The following SNX24 variants were observed in gnomAD, a reference collection of about 807,000 sequenced individuals.
The protein encoded by SNX24 is sorting nexin 24.
A neutral mutation model predicts 28.7 loss-of-function variants in SNX24; 22 were observed. The ratio of observed to expected loss-of-function variants is 0.77; its 90% CI spans 0.55 to 1.10. The LOEUF is 1.10. Among genes scored for constraint, SNX24 ranks in the 50% least tolerant of loss-of-function variants. SNX24 has a pLI of 0.00. For synonymous variants in SNX24, 69 were observed against 71.5 expected (o/e 0.96, Z 0.18); for missense variants, 221 against 201.1 (o/e 1.10, Z -0.60).
intron 3 of SNX24, among the ~76,000 whole-genome samples, chr5:122,995,213 C>G (rs562349158): frequency 6.6e-6 from 1 of 152,168 alleles, no homozygotes; most frequent in Non-Finnish European, 1.5e-5. Flanking sequence ...GAAAATGACT[C>G]CTTCCTTGCT....
At chr5:122,957,331 A>G (rs30069) in intron 3 of SNX24, among the ~76,000 whole-genome samples, 117,058 of 152,140 alleles carry the variant, frequency 0.77, 45,909 homozygotes, top group East Asian at 0.99. Context: ...GACCATATAT[A>G]TGAGGATTTA....
chr5:122,881,242 C>G (rs1561541293), intron 1 of SNX24, among the ~76,000 whole-genome samples: 1 of 152,018 alleles, frequency 6.6e-6, no homozygotes, highest in Non-Finnish European at 1.5e-5. Context: ...AAACATTTCA[C>G]AGTTTAATAT....
chr5:122,951,532 T>C (rs1409193256), intron 3 of SNX24, among the ~76,000 whole-genome samples: 2 of 152,192 alleles, frequency 1.3e-5, no homozygotes, highest in Non-Finnish European at 2.9e-5. Flanking sequence ...GTTTCCCAAA[T>C]TGATTTGACC....
Position 122,911,254 on chromosome 5 carries a change from G to A in SNX24, c.61-25480G>A, listed in dbSNP as rs1187467883. 5.3e-5 allele frequency among the ~76,000 whole-genome samples: 8 copies of A among 152,320 alleles called. No homozygotes were observed. The South Asian group carries it at 8.3e-4, about 16-fold the overall frequency. ...GCATTTTTTCATGTGTCTTTTGGCT[G>A]CATAAATGTCTTCTTTTGAGATGTG... On this transcript the variant is annotated intron_variant, in intron 1 of 6. Transcript: ENST00000261369.
intron 1 of SNX24, among the ~76,000 whole-genome samples, chr5:122,867,596 C>T (rs930170036): frequency 6.6e-6 from 1 of 152,172 alleles, no homozygotes; most frequent in Admixed American, 6.5e-5. Context: ...CTGTGCATAA[C>T]CTCTATTCCT....
chr5:122,967,358 C>T (rs986137745), intron 3 of SNX24, among the ~76,000 whole-genome samples: 10 of 152,286 alleles, frequency 6.6e-5, no homozygotes, highest in Admixed American at 5.9e-4. Context: ...CCTCAGTAGA[C>T]AACGTGGTAG....
At chr5:122,867,839 G>A (rs1755789103) in intron 1 of SNX24, among the ~76,000 whole-genome samples, 1 of 152,114 alleles carries the variant, frequency 6.6e-6, no homozygotes, top group East Asian at 1.9e-4. Context: ...TGGAAGACAT[G>A]GTCTTCCAAG....
At chr5:122,977,023 G>T (rs1441794390) in intron 3 of SNX24, among the ~76,000 whole-genome samples, 1 of 151,752 alleles carries the variant, frequency 6.6e-6, no homozygotes, top group Non-Finnish European at 1.5e-5. Context: ...CTGGTGCCCT[G>T]TACTGGATTT....
At chr5:122,925,977 T>C (rs34105149) in intron 1 of SNX24, among the ~76,000 whole-genome samples, 4,016 of 152,198 alleles carry the variant, frequency 0.026, 68 homozygotes, top group Non-Finnish European at 0.037. Flanking sequence ...AAGCAAACAT[T>C]GTATGTGTGT....
chr5:122,899,871 A>C (rs569014645), intron 1 of SNX24, among the ~76,000 whole-genome samples: 1 of 152,300 alleles, frequency 6.6e-6, no homozygotes, highest in South Asian at 2.1e-4. Flanking sequence ...AGTTTTTCTT[A>C]TTAGGACTGA....
chr5:122,950,701 C>T (rs1759900981), intron 3 of SNX24, among the ~76,000 whole-genome samples: 1 of 152,122 alleles, frequency 6.6e-6, no homozygotes, highest in South Asian at 2.1e-4. Context: ...TCACCACGGC[C>T]AACCATCCCA....
chr5:122,846,082 C>G (rs1754618723), intron 1 of SNX24, among the ~76,000 whole-genome samples: 1 of 152,100 alleles, frequency 6.6e-6, no homozygotes, highest in African/African-American at 2.4e-5. Context: ...CTTCCAAGTT[C>G]TGTACAATTA....
intron 5 of SNX24, among the ~76,000 whole-genome samples, chr5:123,015,266 C>T (rs1762660171): frequency 6.6e-6 from 1 of 152,118 alleles, no homozygotes; most frequent in Non-Finnish European, 1.5e-5. Context: ...GCTGCATATT[C>T]CATAGCAGGG....
Position 123,008,166 on chromosome 5 carries a change from A to G in SNX24, c.*417A>G, listed in dbSNP as rs758474322. ...TTTTGTTCAGATCTTATGACACACT[A>G]CTCTTCTCACCGTGAGATTTTCTCA... On this transcript the variant is annotated 3_prime_UTR_variant, in exon 7 of 7. Coordinates refer to ENST00000261369, the MANE Select transcript of SNX24 (RefSeq NM_014035.4). 120 of 988,544 alleles carry G rather than the reference A, an allele frequency of 1.2e-4. No homozygotes were observed. The highest frequency in any genetic ancestry group is 1.4e-4 in the Non-Finnish European group (115 of 832,554). The allele number at this position is 988,544 out of a possible 1,614,324, so 61.2% of individuals were successfully genotyped here.
intron 1 of SNX24, among the ~76,000 whole-genome samples, chr5:122,910,478 A>G (rs1757831934): frequency 6.6e-6 from 1 of 151,974 alleles, no homozygotes; most frequent in East Asian, 1.9e-4. Flanking sequence ...TTTTTTAATT[A>G]TTATTATACT....
chr5:122,877,936 C>T (rs1756304609), intron 1 of SNX24, among the ~76,000 whole-genome samples: 4 of 152,112 alleles, frequency 2.6e-5, no homozygotes, highest in Admixed American at 2.6e-4. Flanking sequence ...ATGGCCACTA[C>T]ACATGCCGGA....
chr5:122,966,471 T>C (rs1252357442), intron 3 of SNX24, among the ~76,000 whole-genome samples: 1 of 152,162 alleles, frequency 6.6e-6, no homozygotes, highest in East Asian at 1.9e-4. Context: ...AAAGCTACCA[T>C]AGATGATACA....
In SNX24 at chr5:123,008,860, T is replaced by C; in HGVS notation, c.*1111T>C. ...TTGAGTAGTAAAGGATAAAAGCATA[T>C]ATACTACCTATATGTATGTGCTGTA... On this transcript the variant is annotated 3_prime_UTR_variant, in exon 7 of 7. Coordinates refer to ENST00000261369, the MANE Select transcript of SNX24 (RefSeq NM_014035.4). 1.0e-6 allele frequency: 1 copy of C among 981,716 alleles called. No individual in the cohort carries two copies. The highest frequency in any genetic ancestry group is 1.2e-6 in the Non-Finnish European group (1 of 826,144). The allele number at this position is 981,716 out of a possible 1,614,324, so 60.8% of individuals were successfully genotyped here.
intron 1 of SNX24, chr5:122,890,909 G>T (rs988647155): frequency 3.9e-6 from 4 of 1,024,442 alleles, no homozygotes; most frequent in Admixed American, 8.4e-5. Flanking sequence ...AACAGGAATT[G>T]TTAATTAAAA....
Sources: allele counts gnomAD v4.1 joint callset (sites outside exome capture counted in the v4.1 genomes callset), GRCh38; gene constraint gnomAD v4.1.1; transcripts MANE v1.5; gene names NCBI Gene and HGNC (gene_info 2026-07-23, HGNC 2026-07-21).